The following UNC5D variants were observed in gnomAD, a reference collection of about 807,000 sequenced individuals.
UNC5D encodes netrin receptor UNC5D.
UNC5D carries 39 observed loss-of-function variants against 105.4 expected under a neutral mutation model. That is an observed-to-expected ratio of 0.37 (90% CI 0.29 to 0.48). UNC5D has a LOEUF of 0.48. Ranked by LOEUF, UNC5D falls within the 20% of genes least tolerant of loss-of-function variation. UNC5D has a pLI of 0.98. For synonymous variants in UNC5D, 452 were observed against 450.4 expected (o/e 1.00, Z -0.04); for missense variants, 991 against 1,202.4 (o/e 0.82, Z 2.60).
chr8:35,768,671 T>A (rs996221211), intron 15 of UNC5D, among the ~76,000 whole-genome samples: 3 of 152,208 alleles, frequency 2.0e-5, no homozygotes, highest in African/African-American at 7.2e-5. Context: ...GTGATAGGTA[T>A]TTTTGCTCCT....
At chr8:35,653,598 C>G (rs993299324) in intron 4 of UNC5D, among the ~76,000 whole-genome samples, 1 of 152,194 alleles carries the variant, frequency 6.6e-6, no homozygotes, top group Non-Finnish European at 1.5e-5. Context: ...TTCTTTGTCT[C>G]TTGGTGCTAC....
chr8:35,624,741 G>A (rs1477657406), intron 4 of UNC5D, among the ~76,000 whole-genome samples: 3 of 152,138 alleles, frequency 2.0e-5, no homozygotes, highest in Non-Finnish European at 4.4e-5. Context: ...CTTAACTACA[G>A]TTTCATTTTT....
chr8:35,730,114 G>A (rs1456412631), intron 10 of UNC5D, among the ~76,000 whole-genome samples: 1 of 152,152 alleles, frequency 6.6e-6, no homozygotes, highest in Non-Finnish European at 1.5e-5. Context: ...GTTGCCTTGA[G>A]ATTTTATTTT....
chr8:35,714,177 G>C (rs1481366332), intron 8 of UNC5D, among the ~76,000 whole-genome samples: 1 of 152,212 alleles, frequency 6.6e-6, no homozygotes, highest in Non-Finnish European at 1.5e-5. Flanking sequence ...GGTTTGAGGA[G>C]GGAGTGAATG....
intron 1 of UNC5D, 148 bp downstream of exon 1, chr8:35,236,035 G>T: frequency 4.6e-6 from 3 of 654,240 alleles, no homozygotes. Context: ...CCGAGTGGAG[G>T]ACTCCGAGGG....
At chr8:35,250,629 G>A (rs1050573640) in intron 1 of UNC5D, among the ~76,000 whole-genome samples, 1 of 152,108 alleles carries the variant, frequency 6.6e-6, no homozygotes, top group African/African-American at 2.4e-5. Flanking sequence ...CGAGTAGCTG[G>A]GATTACAGGT....
chr8:35,425,182 TAATAAA>T (rs1386979368), intron 1 of UNC5D, among the ~76,000 whole-genome samples: 4 of 152,208 alleles, frequency 2.6e-5, no homozygotes, highest in African/African-American at 4.8e-5. Flanking sequence ...ACTTAAAGTA[TAATAAA>T]AATAAAAAGA....
At chr8:35,711,751 G>A (rs1235482639) in intron 8 of UNC5D, among the ~76,000 whole-genome samples, 1 of 152,272 alleles carries the variant, frequency 6.6e-6, no homozygotes, top group Middle Eastern at 3.4e-3. Flanking sequence ...AGTTGCTCTT[G>A]TAAGTTGCCT....
chr8:35,285,549 T>C (rs570725671), intron 1 of UNC5D, among the ~76,000 whole-genome samples: 1 of 152,328 alleles, frequency 6.6e-6, no homozygotes, highest in Admixed American at 6.5e-5. Flanking sequence ...TTTGCTATCA[T>C]GTGAGATAAA....
At chr8:35,317,624 G>C (rs1008383979) in intron 1 of UNC5D, among the ~76,000 whole-genome samples, 7 of 151,980 alleles carry the variant, frequency 4.6e-5, no homozygotes, top group Non-Finnish European at 7.4e-5. Flanking sequence ...CATTCCTATC[G>C]ATCTGCGGTG....
chr8:35,384,958 G>A (rs1368436635), intron 1 of UNC5D, among the ~76,000 whole-genome samples: 1 of 152,208 alleles, frequency 6.6e-6, no homozygotes, highest in Non-Finnish European at 1.5e-5. Context: ...AGACACTAAA[G>A]TTGAGGTGGG....
At chr8:35,733,189 G>A (rs1829289621) in intron 11 of UNC5D, among the ~76,000 whole-genome samples, 2 of 152,072 alleles carry the variant, frequency 1.3e-5, no homozygotes, top group Admixed American at 1.3e-4. Flanking sequence ...TGGGCTAAAG[G>A]CCATTTACCT....
At chr8:35,760,773 AT>A (rs113961033) in intron 14 of UNC5D, among the ~76,000 whole-genome samples, 12,525 of 142,388 alleles carry the variant, frequency 0.088, 1,247 homozygotes, top group African/African-American at 0.26. Context: ...TCCTTGCAGC[AT>A]TTTTTTTTTT....
At chr8:35,521,557 A>C (rs976101531) in intron 1 of UNC5D, among the ~76,000 whole-genome samples, 1 of 152,222 alleles carries the variant, frequency 6.6e-6, no homozygotes, top group Non-Finnish European at 1.5e-5. Context: ...AATTAAAAAC[A>C]AAAACAAAAC....
chr8:35,323,198 T>C (rs1809883979), intron 1 of UNC5D, among the ~76,000 whole-genome samples: 1 of 150,364 alleles, frequency 6.7e-6, no homozygotes, highest in African/African-American at 2.4e-5. Context: ...CTTTTTTTTT[T>C]TTTTTTTTTC....
chr8:35,630,188 G>A (rs1485643985), intron 4 of UNC5D, among the ~76,000 whole-genome samples: 1 of 152,102 alleles, frequency 6.6e-6, no homozygotes, highest in South Asian at 2.1e-4. Flanking sequence ...TTTACTTCTT[G>A]TAAGAAATGT....
chr8:35,505,462 G>T (rs1812251064), intron 1 of UNC5D, among the ~76,000 whole-genome samples: 1 of 152,186 alleles, frequency 6.6e-6, no homozygotes, highest in Non-Finnish European at 1.5e-5. Context: ...ACAGTAGAAA[G>T]GCTAGCATTG....
intron 5 of UNC5D, 77 bp from the exon 6 acceptor site, chr8:35,684,505 A>C (rs1040397089): frequency 2.4e-5 from 37 of 1,535,444 alleles, no homozygotes; most frequent in Admixed American, 7.6e-5. Flanking sequence ...AGCACCTGGC[A>C]CAGTGGCTTG....
chr8:35,768,338 A>AT (rs1801862488), intron 15 of UNC5D, among the ~76,000 whole-genome samples: 1 of 152,164 alleles, frequency 6.6e-6, no homozygotes, highest in Non-Finnish European at 1.5e-5. Context: ...AGTAGTTTTG[A>AT]CGGAGAAGGT....
Sources: gnomAD v4.1 joint callset for allele counts (sites outside exome capture counted in the v4.1 genomes callset) on GRCh38, gnomAD v4.1.1 for gene constraint, MANE v1.5 for transcripts, NCBI Gene and HGNC (gene_info 2026-07-23, HGNC 2026-07-21) for gene names.